The following ZNF385D variants were observed in gnomAD, a reference collection of about 807,000 sequenced individuals.
The protein encoded by ZNF385D is zinc finger protein 385D.
A neutral mutation model predicts 35.8 loss-of-function variants in ZNF385D; 15 were observed. The observed-to-expected ratio is 0.42, with a 90% confidence interval of 0.28 to 0.64. ZNF385D has a LOEUF of 0.64. Among genes scored for constraint, ZNF385D ranks in the 30% least tolerant of loss-of-function variants. ZNF385D has a pLI of 0.23. For synonymous variants in ZNF385D, 212 were observed against 186.8 expected (o/e 1.13, Z -1.10); for missense variants, 474 against 494.6 (o/e 0.96, Z 0.39).
At chr3:21,657,491 T>C (rs1040458646) in intron 2 of ZNF385D, among the ~76,000 whole-genome samples, 26 of 151,932 alleles carry the variant, frequency 1.7e-4, no homozygotes, top group African/African-American at 6.3e-4. Flanking sequence ...GTGAAACGTA[T>C]AATGAAAGAA....
rs997588743 is a variant in ZNF385D at position 21,415,328 on chromosome 3, T to A, written c.*5886A>T. 6.6e-6 allele frequency: 1 copy of A among 152,130 alleles called. No individual in the cohort carries two copies. The highest frequency in any genetic ancestry group is 2.4e-5 in the African/African-American group (1 of 41,420). The allele number at this position is 152,130 out of a possible 1,614,324, so 9.4% of individuals were successfully genotyped here. A position where few individuals can be genotyped will look rare whatever the true frequency, so the allele number is the denominator to read the frequency against. On this transcript the variant is annotated 3_prime_UTR_variant, in exon 8 of 8. Coordinates refer to ENST00000281523, the MANE Select transcript of ZNF385D (RefSeq NM_024697.3). ...GTCAGTACTCAAAGTCAGTAGCTGA[T>A]GTGAAATGATACAATTGTATGACCC...
intron 3 of ZNF385D, among the ~76,000 whole-genome samples, chr3:21,770,199 A>T (rs1575619263): frequency 6.6e-6 from 1 of 152,266 alleles, no homozygotes; most frequent in East Asian, 1.9e-4. Context: ...TGTCTAAAAC[A>T]CCAAAAGCAA....
intron 5 of ZNF385D, among the ~76,000 whole-genome samples, chr3:21,428,730 G>C (rs771851255): frequency 7.2e-5 from 11 of 151,986 alleles, no homozygotes; most frequent in Non-Finnish European, 1.3e-4. Flanking sequence ...GGCTCAGCTA[G>C]GCACTCATAA....
intron 2 of ZNF385D, among the ~76,000 whole-genome samples, chr3:21,609,883 G>C (rs1336453014): frequency 6.6e-6 from 1 of 152,132 alleles, no homozygotes; most frequent in Non-Finnish European, 1.5e-5. Flanking sequence ...AAACTAAAAG[G>C]AAAAGAGAGT....
chr3:22,030,288 T>TCCTATACAAATAACAAATAGG (rs1697898807), intron 3 of ZNF385D, among the ~76,000 whole-genome samples: 5 of 101,460 alleles, frequency 4.9e-5, no homozygotes, highest in East Asian at 3.3e-4. Flanking sequence ...TATATATATA[T>TCCTATACAAATAACAAATAGG]ATATATATAT....
chr3:22,211,598 T>C lies in ZNF385D; in HGVS notation c.107-42563A>G, dbSNP rs561533307. Among the ~76,000 whole-genome samples, 4 of 152,090 alleles carry C rather than the reference T, an allele frequency of 2.6e-5. No individual in the cohort carries two copies. The East Asian group carries it at 5.8e-4, about 22-fold the overall frequency. Reference sequence around the variant, plus strand: ...ACTGTATGTGTTCTTCCTGTATGTGTTGCAATAAATCAAGTCTATATAGAA... The same window carrying C: ...ACTGTATGTGTTCTTCCTGTATGTGCTGCAATAAATCAAGTCTATATAGAA... On this transcript the variant is annotated intron_variant, in intron 2 of 5. Transcript: ENST00000494108.
intron 2 of ZNF385D, among the ~76,000 whole-genome samples, chr3:22,339,589 CA>C (rs1407951477): frequency 8.5e-5 from 13 of 152,144 alleles, no homozygotes; most frequent in Admixed American, 7.2e-4. Flanking sequence ...TAACCTTTTC[CA>C]TTTGATGCTC....
intron 2 of ZNF385D, among the ~76,000 whole-genome samples, chr3:22,253,146 T>C (rs1408745831): frequency 6.6e-6 from 1 of 151,912 alleles, no homozygotes; most frequent in African/African-American, 2.4e-5. Flanking sequence ...TGACAATAAC[T>C]GAGATAAAGA....
chr3:22,301,787 T>C (rs753435556), intron 2 of ZNF385D, among the ~76,000 whole-genome samples: 13 of 152,082 alleles, frequency 8.5e-5, no homozygotes, highest in Non-Finnish European at 1.6e-4. Flanking sequence ...CTTGGCATTA[T>C]ATAGAAATAC....
intron 2 of ZNF385D, among the ~76,000 whole-genome samples, chr3:21,576,387 A>T (rs558010782): frequency 6.6e-6 from 1 of 152,318 alleles, no homozygotes; most frequent in African/African-American, 2.4e-5. Flanking sequence ...CTAATGTTCT[A>T]TGGTAGCTTA....
intron 3 of ZNF385D, among the ~76,000 whole-genome samples, chr3:21,988,075 T>C (rs1295673081): frequency 7.3e-6 from 1 of 137,232 alleles, no homozygotes; most frequent in Non-Finnish European, 1.6e-5. Context: ...TTCTTCTAAA[T>C]TTTTTTCAAA....
intron 3 of ZNF385D, among the ~76,000 whole-genome samples, chr3:21,996,590 C>T (rs981868207): frequency 6.6e-6 from 1 of 152,194 alleles, no homozygotes; most frequent in Non-Finnish European, 1.5e-5. Flanking sequence ...AGTGAGCACT[C>T]ACTGTCACAC....
intron 3 of ZNF385D, among the ~76,000 whole-genome samples, chr3:21,551,008 T>C (rs1043953297): frequency 2.0e-5 from 3 of 152,238 alleles, no homozygotes; most frequent in African/African-American, 7.2e-5. Context: ...AATTTCTGTT[T>C]ACACTTTTGA....
chr3:21,921,313 A>G (rs1253627796), intron 3 of ZNF385D, among the ~76,000 whole-genome samples: 7 of 151,992 alleles, frequency 4.6e-5, no homozygotes, highest in Non-Finnish European at 8.8e-5. Context: ...ATCACGTAAC[A>G]CTTGGAGTAT....
At chr3:21,638,329 G>A (rs2065506464) in intron 2 of ZNF385D, among the ~76,000 whole-genome samples, 1 of 152,018 alleles carries the variant, frequency 6.6e-6, no homozygotes, top group Non-Finnish European at 1.5e-5. Flanking sequence ...TCTGAGCAGA[G>A]GGCAGATTTG....
At chr3:21,944,250 C>T (rs748458101) in intron 3 of ZNF385D, among the ~76,000 whole-genome samples, 3 of 152,162 alleles carry the variant, frequency 2.0e-5, no homozygotes, top group Non-Finnish European at 2.9e-5. Flanking sequence ...GGCAAGAAAA[C>T]TATTACAGAA....
At chr3:21,949,444 T>G (rs921595583) in intron 3 of ZNF385D, among the ~76,000 whole-genome samples, 11 of 152,062 alleles carry the variant, frequency 7.2e-5, no homozygotes, top group Admixed American at 2.0e-4. Flanking sequence ...GTAGGTGTAT[T>G]TGAATGCTAT....
intron 3 of ZNF385D, among the ~76,000 whole-genome samples, chr3:21,881,844 C>A (rs1318723729): frequency 6.6e-6 from 1 of 151,918 alleles, no homozygotes; most frequent in Non-Finnish European, 1.5e-5. Context: ...TTGATTCCAA[C>A]CCTCATGGAT....
chr3:21,923,661 G>T (rs1438043568), intron 3 of ZNF385D, among the ~76,000 whole-genome samples: 2 of 151,782 alleles, frequency 1.3e-5, no homozygotes, highest in South Asian at 4.2e-4. Context: ...ACACAACATG[G>T]AATACTATGC....
Sources: gnomAD v4.1 joint callset for allele counts (sites outside exome capture counted in the v4.1 genomes callset) on GRCh38, gnomAD v4.1.1 for gene constraint, MANE v1.5 for transcripts, NCBI Gene and HGNC (gene_info 2026-07-23, HGNC 2026-07-21) for gene names.